The following PLCB1 variants were observed in gnomAD, a reference collection of about 807,000 sequenced individuals.
PLCB1 encodes phospholipase C beta 1.
Under a neutral mutation model 161.8 loss-of-function variants are expected in PLCB1, and 46 were observed. The observed-to-expected ratio is 0.28, with a 90% CI of 0.22 to 0.36. The LOEUF is 0.36. PLCB1 is among the 10% of genes least tolerant of loss of function. The pLI is 1.00. For synonymous variants in PLCB1, 517 were observed against 503.7 expected (o/e 1.03, Z -0.35); for missense variants, 1,016 against 1,472.5 (o/e 0.69, Z 5.07).
At chr20:8,620,382 T>G (rs78247648) in intron 3 of PLCB1, among the ~76,000 whole-genome samples, 3,870 of 152,074 alleles carry the variant, frequency 0.025, 77 homozygotes, top group Middle Eastern at 0.065. Flanking sequence ...ACAGAATGAT[T>G]AACAAAATTT....
chr20:8,683,290 G>C (rs1309107361), intron 9 of PLCB1, among the ~76,000 whole-genome samples: 2 of 151,936 alleles, frequency 1.3e-5, no homozygotes, highest in East Asian at 1.9e-4. Flanking sequence ...AGAAAAGTTA[G>C]GGATGTTCAA....
In PLCB1 at chr20:8,297,261, C is replaced by T. The variant is rs6055721; in HGVS notation, c.178-74121C>T. 4.7e-3 allele frequency among the ~76,000 whole-genome samples: 711 copies of T among 151,840 alleles called. 7 individuals are homozygous for T. Among genetic ancestry groups the T allele is most frequent in the African/African-American group, 0.016 (675 of 41,400 alleles). On this transcript the variant is annotated intron_variant, in intron 2 of 31. Transcript: ENST00000338037. ...TGTATGTTTATAAGTATAAAATGTA[C>T]GTATAAAATTGCGGATAAGATGGAC...
intron 31 of PLCB1, among the ~76,000 whole-genome samples, chr20:8,801,437 G>A (rs553164667): frequency 1.2e-4 from 19 of 152,216 alleles, no homozygotes; most frequent in Middle Eastern, 3.4e-3. Context: ...TTTCCTAAGT[G>A]TGTCCTTGAG....
At chr20:8,784,075 A>C (rs967549533) in intron 27 of PLCB1, among the ~76,000 whole-genome samples, 1 of 152,240 alleles carries the variant, frequency 6.6e-6, no homozygotes, top group African/African-American at 2.4e-5. Context: ...AGCATAAAAA[A>C]GAGATAAATT....
At chr20:8,704,170 A>G (rs1219500515) in intron 11 of PLCB1, among the ~76,000 whole-genome samples, 1 of 152,118 alleles carries the variant, frequency 6.6e-6, no homozygotes, top group East Asian at 1.9e-4. Context: ...CCTGGTCAAC[A>G]TGGCAAAACC....
chr20:8,495,887 A>G (rs185342665), intron 3 of PLCB1, among the ~76,000 whole-genome samples: 43 of 152,108 alleles, frequency 2.8e-4, no homozygotes, highest in Non-Finnish European at 1.3e-4. Context: ...TCTTCACTCT[A>G]TTCAAAGTAA....
intron 2 of PLCB1, among the ~76,000 whole-genome samples, chr20:8,204,846 C>T (rs1978443159): frequency 6.6e-6 from 1 of 152,120 alleles, no homozygotes; most frequent in Non-Finnish European, 1.5e-5. Flanking sequence ...AAATCATATC[C>T]TATGTGTCAC....
intron 3 of PLCB1, among the ~76,000 whole-genome samples, chr20:8,424,834 G>T (rs1164970531): frequency 7.9e-5 from 12 of 152,138 alleles, no homozygotes; most frequent in Non-Finnish European, 4.4e-5. Context: ...GAACAAAGAA[G>T]GAAAGCAGGG....
intron 3 of PLCB1, among the ~76,000 whole-genome samples, chr20:8,484,959 C>CTATG (rs772402628): frequency 2.6e-5 from 4 of 152,130 alleles, no homozygotes; most frequent in Non-Finnish European, 5.9e-5. Context: ...TAGGAACTTG[C>CTATG]TATGTGGCCT....
chr20:8,699,412 C>G (rs1990651317), intron 11 of PLCB1, among the ~76,000 whole-genome samples: 1 of 152,164 alleles, frequency 6.6e-6, no homozygotes, highest in Non-Finnish European at 1.5e-5. Flanking sequence ...CTTGCCAACT[C>G]TTTTCTGAAT....
intron 2 of PLCB1, among the ~76,000 whole-genome samples, chr20:8,289,172 C>T (rs1181717244): frequency 6.6e-6 from 1 of 152,186 alleles, no homozygotes; most frequent in Non-Finnish European, 1.5e-5. Flanking sequence ...GTGTCGTCTG[C>T]TTATTAGTGT....
intron 2 of PLCB1, among the ~76,000 whole-genome samples, chr20:8,255,082 T>C (rs908210899): frequency 1.3e-5 from 2 of 152,078 alleles, no homozygotes; most frequent in African/African-American, 4.8e-5. Flanking sequence ...GCAAGTACTT[T>C]ATCATCAAAA....
At position 8,722,399 on chromosome 20, in the gene PLCB1, G is replaced by A. The variant is rs367767018; in HGVS notation, c.1559G>A (p.Cys520Tyr). The stretch of plus-strand genomic sequence containing the variant: ...GACGACGACGATGATGATGATGACT[G>A]TAAAAAATCTTCAATGGATGAGGTG... ...ESDDDDDDDD[C>Y]KKSSMDEGTA... is the part of the protein sequence containing the mutation. Residue 520 changes from cysteine (C) to tyrosine (Y), a missense_variant, in exon 15 of 32, where the codon TGT becomes TAT. Physicochemically the swap from Cys to Tyr is radical, Grantham distance 194. Around this residue, in one of 10 missense-constraint regions of PLCB1, gnomAD observed 109 missense variants for 129.7 expected, o/e 0.84. Coordinates refer to ENST00000338037, the MANE Select transcript of PLCB1 (RefSeq NM_015192.4). 1.9e-6 allele frequency: 3 copies of A among 1,610,440 alleles called. No individual in the cohort carries two copies. Among genetic ancestry groups the A allele is most frequent in the Admixed American group, 1.7e-5 (1 of 59,238 alleles).
At chr20:8,642,704 C>T (rs1430251472) in intron 4 of PLCB1, among the ~76,000 whole-genome samples, 2 of 152,106 alleles carry the variant, frequency 1.3e-5, no homozygotes, top group Admixed American at 6.6e-5. Context: ...CAATAGAGGA[C>T]GAGATAAATA....
intron 3 of PLCB1, among the ~76,000 whole-genome samples, chr20:8,537,957 T>C (rs1985119289): frequency 1.3e-5 from 2 of 152,186 alleles, no homozygotes; most frequent in Admixed American, 1.3e-4. Flanking sequence ...GACTGCTTGA[T>C]AGAACAACTA....
chr20:8,546,598 A>G (rs1199250523), intron 3 of PLCB1, among the ~76,000 whole-genome samples: 1 of 152,132 alleles, frequency 6.6e-6, no homozygotes, highest in Non-Finnish European at 1.5e-5. Flanking sequence ...CTGTGTTTCT[A>G]AAGCACAATC....
chr20:8,327,063 T>G (rs1386980828), intron 2 of PLCB1, among the ~76,000 whole-genome samples: 1 of 152,170 alleles, frequency 6.6e-6, no homozygotes, highest in Non-Finnish European at 1.5e-5. Context: ...GTTTTGTATT[T>G]TTTGGAGAGA....
At chr20:8,490,285 G>C (rs901193934) in intron 3 of PLCB1, among the ~76,000 whole-genome samples, 3 of 152,064 alleles carry the variant, frequency 2.0e-5, no homozygotes, top group African/African-American at 7.2e-5. Flanking sequence ...CAGTCTCCTG[G>C]GTCATCTCCA....
At chr20:8,517,856 A>G (rs1984197914) in intron 3 of PLCB1, among the ~76,000 whole-genome samples, 1 of 152,208 alleles carries the variant, frequency 6.6e-6, no homozygotes, top group Non-Finnish European at 1.5e-5. Context: ...TGATGTCATC[A>G]GTCAGAGCCA....
Sources: allele counts gnomAD v4.1 joint callset (sites outside exome capture counted in the v4.1 genomes callset), GRCh38; gene constraint gnomAD v4.1.1; regional missense constraint gnomAD v4.1.1; transcripts MANE v1.5; gene names NCBI Gene and HGNC (gene_info 2026-07-23, HGNC 2026-07-21).